The following NLGN1 variants were observed in gnomAD, a reference collection of about 807,000 sequenced individuals.
NLGN1 encodes the protein neuroligin-1.
In NLGN1, 12 loss-of-function variants were observed where a neutral mutation model predicts 65.5. That is an observed-to-expected ratio of 0.18 (90% CI 0.12 to 0.30). The LOEUF is 0.30. NLGN1 is among the 10% of genes least tolerant of loss of function. The pLI is 1.00. For synonymous variants in NLGN1, 350 were observed against 359.5 expected (o/e 0.97, Z 0.30); for missense variants, 750 against 1,007.1 (o/e 0.74, Z 3.46).
At chr3:173,449,223 C>T (rs1372901697) in intron 2 of NLGN1, among the ~76,000 whole-genome samples, 2 of 152,088 alleles carry the variant, frequency 1.3e-5, no homozygotes, top group African/African-American at 4.8e-5. Context: ...TCCCTCTACA[C>T]ACTGCTTTGA....
intron 3 of NLGN1, among the ~76,000 whole-genome samples, chr3:173,805,378 G>A (rs1716421849): frequency 6.6e-6 from 1 of 152,036 alleles, no homozygotes; most frequent in Non-Finnish European, 1.5e-5. Context: ...AGTTTGAAAA[G>A]GCAAATTAAA....
At chr3:174,041,634 A>G (rs2152489877) in intron 4 of NLGN1, among the ~76,000 whole-genome samples, 2 of 152,128 alleles carry the variant, frequency 1.3e-5, no homozygotes, top group Admixed American at 1.3e-4. Context: ...AATATTTGTT[A>G]TTCTGGTGGG....
rs925964376 is a variant in NLGN1 at position 173,666,800 on chromosome 3, C to G, written c.493+61709C>G. Among the ~76,000 whole-genome samples, 12 of 152,204 alleles carry G rather than the reference C, an allele frequency of 7.9e-5. No homozygotes were observed. The East Asian group carries it at 2.1e-3, about 27-fold the overall frequency. On this transcript the variant is annotated intron_variant, in intron 3 of 6. Coordinates refer to ENST00000457714, the Ensembl canonical transcript of NLGN1. ...TATTCATAATAGTTTTTTAATGGCACTCAGCATTAAGACATCTTAAATTCT... is the reference window on the plus strand; with the variant it reads ...TATTCATAATAGTTTTTTAATGGCAGTCAGCATTAAGACATCTTAAATTCT...
chr3:173,692,940 A>G (rs1765683029), intron 3 of NLGN1, among the ~76,000 whole-genome samples: 1 of 152,068 alleles, frequency 6.6e-6, no homozygotes, highest in African/African-American at 2.4e-5. Context: ...GATAGAGCTG[A>G]GCACACAAAC....
At chr3:173,781,465 G>C (rs1454102632) in intron 3 of NLGN1, among the ~76,000 whole-genome samples, 3 of 152,128 alleles carry the variant, frequency 2.0e-5, no homozygotes, top group Admixed American at 6.5e-5. Flanking sequence ...TTTGTTCACT[G>C]TTATGGATTA....
rs140705547 is a variant in NLGN1, at chr3:173,828,804, A to G, written c.646+20972A>G. ...GGGAAAAGTAAGAGCAAAGAAATTAAACAGAGATAGGAACTAGGTTGGTTG... is the reference window on the plus strand; with the variant it reads ...GGGAAAAGTAAGAGCAAAGAAATTAGACAGAGATAGGAACTAGGTTGGTTG... On this transcript the variant is annotated intron_variant, in intron 4 of 6. Transcript: ENST00000457714. Among the ~76,000 whole-genome samples the G allele has an allele frequency of 8.5e-3, 1,288 of 152,176 alleles. 19 individuals carry two copies. The highest frequency in any genetic ancestry group is 0.023 in the African/African-American group (943 of 41,512).
chr3:173,690,417 C>G lies in NLGN1; in HGVS notation c.493+85326C>G, dbSNP rs1409610439. Among the ~76,000 whole-genome samples, 4 of 152,208 alleles carry G rather than the reference C, an allele frequency of 2.6e-5. No individual in the cohort carries two copies. The East Asian group carries it at 7.7e-4, about 29-fold the overall frequency. On this transcript the variant is annotated intron_variant, in intron 3 of 6. Transcript: ENST00000457714. ...ATGATTCCAACTATAATGACCACAT[C>G]TAGAAATAAGCTGTCAGCTCTTGCT...
intron 4 of NLGN1, among the ~76,000 whole-genome samples, chr3:173,971,126 A>C (rs1716134922): frequency 6.6e-6 from 1 of 152,174 alleles, no homozygotes. Context: ...CTATTATTTG[A>C]AAATTATGTG....
At chr3:174,223,432 C>A (rs1030134) in intron 4 of NLGN1, among the ~76,000 whole-genome samples, 13 of 152,014 alleles carry the variant, frequency 8.6e-5, no homozygotes, top group Non-Finnish European at 1.8e-4. Context: ...GATTTCAGTA[C>A]GCCTTTTTCA....
intron 4 of NLGN1, among the ~76,000 whole-genome samples, chr3:174,232,694 G>A (rs573666548): frequency 1.6e-4 from 25 of 152,242 alleles, no homozygotes; most frequent in African/African-American, 5.5e-4. Context: ...GAGAAAGGCC[G>A]AAAACAGGTA....
chr3:174,050,431 G>GATC (rs1226799919), intron 4 of NLGN1, among the ~76,000 whole-genome samples: 1 of 151,950 alleles, frequency 6.6e-6, no homozygotes, highest in African/African-American at 2.4e-5. Context: ...CAGGATTATG[G>GATC]ATCAGATTGA....
chr3:174,141,202 CTTT>C (rs1016772982), intron 4 of NLGN1, among the ~76,000 whole-genome samples: 1 of 151,772 alleles, frequency 6.6e-6, no homozygotes, highest in African/African-American at 2.4e-5. Context: ...AAGAAAAAGA[CTTT>C]TTTTTAAAAT....
At chr3:173,399,014 C>T (rs552769785) in intron 1 of NLGN1, among the ~76,000 whole-genome samples, 7 of 147,770 alleles carry the variant, frequency 4.7e-5, no homozygotes, top group Admixed American at 4.6e-4. Context: ...CCATTGTAAC[C>T]TAGCAGAACA....
intron 4 of NLGN1, among the ~76,000 whole-genome samples, chr3:173,970,217 A>G (rs1052561739): frequency 6.6e-6 from 1 of 152,192 alleles, no homozygotes; most frequent in Non-Finnish European, 1.5e-5. Context: ...GTTGCTAAAG[A>G]CTAACAAAGC....
chr3:174,194,786 TA>T (rs548336247), intron 4 of NLGN1, among the ~76,000 whole-genome samples: 26,890 of 104,284 alleles, frequency 0.26, 2,959 homozygotes, highest in African/African-American at 0.36. Flanking sequence ...ACCTATTCAC[TA>T]AAAAAAAAAA....
chr3:173,845,243 G>A (rs2150701340), intron 4 of NLGN1, among the ~76,000 whole-genome samples: 1 of 152,136 alleles, frequency 6.6e-6, no homozygotes, highest in East Asian at 1.9e-4. Context: ...AATGTGTAAG[G>A]TGAGTCTAAC....
chr3:173,831,599 C>A (rs1214857335), intron 4 of NLGN1, among the ~76,000 whole-genome samples: 2 of 152,058 alleles, frequency 1.3e-5, no homozygotes, highest in Non-Finnish European at 2.9e-5. Context: ...TAAAAAAGTA[C>A]AATGTTTGTA....
Position 173,887,964 on chromosome 3 carries a change from T to C in NLGN1, c.646+80132T>C, listed in dbSNP as rs184899298. Among the ~76,000 whole-genome samples, 373 of 152,162 alleles carry C rather than the reference T, an allele frequency of 2.5e-3. 2 individuals are homozygous for C. The highest frequency in any genetic ancestry group is 8.1e-3 in the African/African-American group (335 of 41,566). On this transcript the variant is annotated intron_variant, in intron 4 of 6. Coordinates refer to ENST00000457714, the Ensembl canonical transcript of NLGN1. ...AAACTTTAATTGAAACTTTCTAAATTACTTCTAACTGATCTTCTAATTATA... is the reference window on the plus strand; with the variant it reads ...AAACTTTAATTGAAACTTTCTAAATCACTTCTAACTGATCTTCTAATTATA...
chr3:173,498,547 A>G (rs1473735974), intron 2 of NLGN1, among the ~76,000 whole-genome samples: 1 of 151,846 alleles, frequency 6.6e-6, no homozygotes, highest in African/African-American at 2.4e-5. Context: ...AGCATGTTTT[A>G]TAATCCTCTG....
Sources: allele counts gnomAD v4.1 joint callset (sites outside exome capture counted in the v4.1 genomes callset), GRCh38; gene constraint gnomAD v4.1.1; transcripts MANE v1.5; gene names NCBI Gene and HGNC (gene_info 2026-07-23, HGNC 2026-07-21).